The following RANBP2 variants were observed in gnomAD, a reference collection of about 807,000 sequenced individuals.
RANBP2 encodes the protein E3 SUMO-protein ligase RanBP2.
RANBP2 carries 57 observed loss-of-function variants against 303.6 expected under a neutral mutation model. The ratio of observed to expected loss-of-function variants is 0.19; its 90% CI spans 0.15 to 0.23. The LOEUF is 0.23. RANBP2 is among the 10% of genes least tolerant of loss of function. The pLI is 1.00. For missense variants in RANBP2, 3,138 were observed against 3,780.8 expected (o/e 0.83, Z 4.46); for synonymous variants, 1,167 against 1,301.5 (o/e 0.90, Z 2.23).
chr2:108,912,850 T>G, the RANBP2 span: 1 of 1,132,230 alleles, frequency 8.8e-7, no homozygotes, highest in South Asian at 1.3e-5. Flanking sequence ...TCTGGATTCA[T>G]GATCATGAAT....
chr2:109,650,792 A>G, the RANBP2 span, among the ~76,000 whole-genome samples: 1 of 152,118 alleles, frequency 6.6e-6, no homozygotes, highest in Non-Finnish European at 1.5e-5. Flanking sequence ...GCCTTCTGCT[A>G]TGATTGTGAG....
the RANBP2 span, among the ~76,000 whole-genome samples, chr2:109,271,071 G>C: frequency 1.3e-5 from 2 of 152,232 alleles, no homozygotes; most frequent in African/African-American, 4.8e-5. Flanking sequence ...GGCGGAGTCA[G>C]TGTTGATCCA....
At chr2:108,908,144 G>T in the RANBP2 span, 1 of 1,087,814 alleles carries the variant, frequency 9.2e-7, no homozygotes, top group Non-Finnish European at 1.3e-6. Context: ...TTGTTTTTCA[G>T]GTGTTTACTG....
the RANBP2 span, among the ~76,000 whole-genome samples, chr2:109,455,732 A>G: frequency 6.6e-6 from 1 of 152,178 alleles, no homozygotes; most frequent in Admixed American, 6.5e-5. Flanking sequence ...TTACTCGTCC[A>G]TCCCAGTTCT....
the RANBP2 span, among the ~76,000 whole-genome samples, chr2:109,416,827 G>T: frequency 6.6e-6 from 1 of 150,790 alleles, no homozygotes; most frequent in Non-Finnish European, 1.5e-5. Context: ...AATCGCCTGA[G>T]CCCAGAAGCA....
the RANBP2 span, among the ~76,000 whole-genome samples, chr2:109,014,804 C>T: frequency 5.3e-5 from 8 of 152,150 alleles, no homozygotes; most frequent in Non-Finnish European, 8.8e-5. Flanking sequence ...TGTCTTTCCT[C>T]CTCATTCTCC....
At chr2:109,579,494 C>T in the RANBP2 span, among the ~76,000 whole-genome samples, 2 of 151,790 alleles carry the variant, frequency 1.3e-5, no homozygotes, top group East Asian at 3.9e-4. Flanking sequence ...AGTGGTTCTC[C>T]TGCCTCAGCC....
the RANBP2 span, among the ~76,000 whole-genome samples, chr2:109,512,550 CCTCCTGGT>C: frequency 1.3e-5 from 2 of 152,166 alleles, no homozygotes; most frequent in South Asian, 2.1e-4. Context: ...ACTGCATCTG[CCTCCTGGT>C]CTCCTGGTCT....
At chr2:108,908,061 G>A in the RANBP2 span, 114 of 1,567,346 alleles carry the variant, frequency 7.3e-5, no homozygotes, top group South Asian at 4.4e-4. Flanking sequence ...TGCCTGGGGG[G>A]GCTGCAGCCC....
chr2:108,783,150 G>GT (rs1212285944), intron 28 of RANBP2, among the ~76,000 whole-genome samples: 1 of 151,416 alleles, frequency 6.6e-6, no homozygotes, highest in Non-Finnish European at 1.5e-5. Context: ...ACCAGCCTGG[G>GT]TAACATGGCA....
the RANBP2 span, among the ~76,000 whole-genome samples, chr2:109,566,379 A>G: frequency 2.0e-5 from 3 of 152,018 alleles, no homozygotes; most frequent in Non-Finnish European, 2.9e-5. Flanking sequence ...TCTTGGGATT[A>G]TAGGTGTGAG....
chr2:108,736,903 G>A (rs1375633902), intron 6 of RANBP2, among the ~76,000 whole-genome samples: 2 of 152,134 alleles, frequency 1.3e-5, no homozygotes, highest in East Asian at 3.9e-4. Context: ...GCATGCCTCT[G>A]TTTATGTATT....
At chr2:109,152,759 A>G in the RANBP2 span, among the ~76,000 whole-genome samples, 520 of 151,934 alleles carry the variant, frequency 3.4e-3, 2 homozygotes, top group African/African-American at 0.011. Flanking sequence ...GGCGGGGGGG[A>G]CCCAGTGTCC....
chr2:109,096,783 C>CT, the RANBP2 span, among the ~76,000 whole-genome samples: 25 of 145,986 alleles, frequency 1.7e-4, no homozygotes, highest in Non-Finnish European at 2.2e-4. Flanking sequence ...CTATTTACAG[C>CT]TTTTTTTTTG....
chr2:108,965,898 G>T, the RANBP2 span, among the ~76,000 whole-genome samples: 14 of 152,002 alleles, frequency 9.2e-5, no homozygotes, highest in African/African-American at 2.9e-4. Context: ...CCCAGGCAAA[G>T]AAATATTTCC....
the RANBP2 span, among the ~76,000 whole-genome samples, chr2:109,626,314 T>G: frequency 6.6e-6 from 1 of 151,990 alleles, no homozygotes; most frequent in Non-Finnish European, 1.5e-5. Context: ...ACCCCATCTC[T>G]ACTGAAAATA....
At chr2:108,734,077 C>T (rs1695381323) in intron 4 of RANBP2, among the ~76,000 whole-genome samples, 1 of 151,878 alleles carries the variant, frequency 6.6e-6, no homozygotes. Flanking sequence ...AAGACTAGGG[C>T]TTTTGCAATA....
the RANBP2 span, among the ~76,000 whole-genome samples, chr2:109,038,668 C>T: frequency 2.0e-5 from 3 of 152,072 alleles, no homozygotes; most frequent in Admixed American, 1.3e-4. Context: ...AAAGAACTTT[C>T]GAAATTCAAG....
the RANBP2 span, among the ~76,000 whole-genome samples, chr2:109,073,700 A>C: frequency 1.3e-5 from 2 of 150,424 alleles, no homozygotes; most frequent in Non-Finnish European, 3.0e-5. Flanking sequence ...AGAAGAAAAG[A>C]AAAAAGAATG....
Sources: gnomAD v4.1 joint callset for allele counts (sites outside exome capture counted in the v4.1 genomes callset) on GRCh38, gnomAD v4.1.1 for gene constraint, MANE v1.5 for transcripts, NCBI Gene and HGNC (gene_info 2026-07-23, HGNC 2026-07-21) for gene names.